The following TEX11 variants were observed in gnomAD, a reference collection of about 807,000 sequenced individuals.
The protein encoded by TEX11 is testis expressed 11.
A neutral mutation model predicts 84.4 loss-of-function variants in TEX11; 7 were observed. That is an observed-to-expected ratio of 0.08 (90% confidence interval 0.05 to 0.16). The LOEUF is 0.16. Among genes scored for constraint, TEX11 ranks in the 10% least tolerant of loss-of-function variants. The pLI is 1.00. For synonymous variants in TEX11, 264 were observed against 222.8 expected (o/e 1.18, Z -1.64); for missense variants, 551 against 660.5 (o/e 0.83, Z 1.82).
At chrX:70,778,706 G>A (rs2091017614) in intron 9 of TEX11, among the ~76,000 whole-genome samples, 1 of 110,584 alleles carries the variant, frequency 9.0e-6, no homozygotes, top group South Asian at 3.8e-4. Context: ...ACGATGCCTA[G>A]GCTGGTCTCA....
At chrX:70,820,988 A>G (rs183022222) in intron 8 of TEX11, among the ~76,000 whole-genome samples, 1 of 112,077 alleles carries the variant, frequency 8.9e-6, no homozygotes, top group East Asian at 2.8e-4. Context: ...CACCAAAAAC[A>G]AAAATAGACA....
At chrX:70,570,272 G>C (rs2088573290) in intron 25 of TEX11, among the ~76,000 whole-genome samples, 1 of 112,071 alleles carries the variant, frequency 8.9e-6, no homozygotes, top group African/African-American at 3.2e-5. Context: ...GCGCAGTATT[G>C]GGGTGGGAGT....
At chrX:70,574,037 C>T (rs2088640516) in intron 25 of TEX11, among the ~76,000 whole-genome samples, 1 of 111,904 alleles carries the variant, frequency 8.9e-6, no homozygotes, top group South Asian at 3.7e-4. Context: ...GAAATTCTTC[C>T]TTGCAATGAC....
At chrX:70,794,934 T>A (rs1175897843) in intron 9 of TEX11, among the ~76,000 whole-genome samples, 1 of 107,015 alleles carries the variant, frequency 9.3e-6, no homozygotes, top group Non-Finnish European at 1.9e-5. Context: ...AGTCTCCTTC[T>A]GCTTGACAAA....
chrX:70,811,634 T>C (rs2147813063), intron 8 of TEX11, among the ~76,000 whole-genome samples: 1 of 111,123 alleles, frequency 9.0e-6, no homozygotes, highest in African/African-American at 3.3e-5. Flanking sequence ...TAGTTTACAG[T>C]CCCACCAACA....
intron 7 of TEX11, among the ~76,000 whole-genome samples, chrX:70,838,337 C>T (rs1452199234): frequency 1.8e-5 from 2 of 111,710 alleles, no homozygotes; most frequent in African/African-American, 6.5e-5. Context: ...GCAGGATAAT[C>T]GCTTGAACCC....
intron 14 of TEX11, among the ~76,000 whole-genome samples, chrX:70,681,568 T>C (rs932467266): frequency 8.9e-6 from 1 of 112,262 alleles, no homozygotes; most frequent in African/African-American, 3.2e-5. Context: ...TATTTTATTT[T>C]ATTGTACTAT....
At chrX:70,853,581 T>C (rs781232928) in intron 5 of TEX11, among the ~76,000 whole-genome samples, 1 of 112,312 alleles carries the variant, frequency 8.9e-6, no homozygotes, top group South Asian at 3.7e-4. Context: ...TGAGGAAATA[T>C]TAAAAGAAAA....
intron 16 of TEX11, among the ~76,000 whole-genome samples, chrX:70,656,207 T>C (rs1406487233): frequency 3.7e-5 from 4 of 108,908 alleles, no homozygotes; most frequent in Non-Finnish European, 7.6e-5. Flanking sequence ...GAGGATCATC[T>C]GAGTCCAGGA....
intron 25 of TEX11, among the ~76,000 whole-genome samples, chrX:70,563,939 T>C (rs1304849424): frequency 8.9e-6 from 1 of 112,565 alleles, no homozygotes; most frequent in Non-Finnish European, 1.9e-5. Flanking sequence ...TTTAAGATAC[T>C]GGCCTGATGC....
chrX:70,675,850 G>A (rs1278825723), intron 15 of TEX11, among the ~76,000 whole-genome samples: 4 of 111,208 alleles, frequency 3.6e-5, no homozygotes, highest in African/African-American at 6.6e-5. Context: ...GGCTGGTCTC[G>A]AACTCCTGAC....
intron 28 of TEX11, among the ~76,000 whole-genome samples, chrX:70,532,294 G>T (rs2087897508): frequency 8.9e-6 from 1 of 111,994 alleles, no homozygotes; most frequent in Non-Finnish European, 1.9e-5. Flanking sequence ...TTCAGATTTT[G>T]AAATTTATCC....
rs766493168 is a variant in TEX11 at position 70,539,301 on chromosome X, T to C, written c.2521-9302A>G. Among the ~76,000 whole-genome samples the C allele has an allele frequency of 2.5e-3, 270 of 109,097 alleles. 1 individual carries two copies. Among genetic ancestry groups the C allele is most frequent in the African/African-American group, 8.5e-3 (256 of 30,098 alleles). The allele number at this position is 109,097 out of a possible 115,157, so 94.7% of individuals were successfully genotyped here. On this transcript the variant is annotated intron_variant, in intron 28 of 29. Transcript: ENST00000374333. ...CATCCGCCTCGGCCTCCCAAAGTGC[T>C]AGGATTACAGGCATGAGCCACCGTG...
chrX:70,566,832 CA>C (rs1420184817), intron 25 of TEX11, among the ~76,000 whole-genome samples: 13 of 111,735 alleles, frequency 1.2e-4, no homozygotes, highest in Non-Finnish European at 1.9e-5. Flanking sequence ...ATTTTTGCAT[CA>C]ATGTTCTTCA....
In TEX11 at chrX:70,744,474, T is replaced by C. The variant is rs760567217; in HGVS notation, c.693-255A>G. Among the ~76,000 whole-genome samples the C allele has an allele frequency of 2.8e-5, 3 of 108,389 alleles. No individual in the cohort carries two copies. The South Asian group carries it at 1.2e-3, about 42-fold the overall frequency. 94.1% of individuals were successfully genotyped at this position (108,389 alleles called of 115,157 possible). On this transcript the variant is annotated intron_variant, in intron 9 of 29. Transcript: ENST00000374333. ...AACACTACAATTATATTGATGCCTT[T>C]TTCCATTTGGCTATATATATAGCAT...
intron 9 of TEX11, among the ~76,000 whole-genome samples, chrX:70,803,992 G>T (rs1303375937): frequency 9.6e-6 from 1 of 104,341 alleles, no homozygotes; most frequent in African/African-American, 3.4e-5. Flanking sequence ...AAAAAACAAT[G>T]TTTTTTTTTT....
chrX:70,569,403 C>A (rs1303451876), intron 25 of TEX11, among the ~76,000 whole-genome samples: 2 of 112,160 alleles, frequency 1.8e-5, no homozygotes, highest in Non-Finnish European at 3.8e-5. Context: ...TCTTCTCTCA[C>A]CTCGTCAAAG....
intron 28 of TEX11, among the ~76,000 whole-genome samples, chrX:70,538,229 T>C (rs908214138): frequency 7.2e-5 from 8 of 111,330 alleles, no homozygotes; most frequent in African/African-American, 2.6e-4. Flanking sequence ...ATAGATAGCC[T>C]TAAGGGTCTA....
At chrX:70,741,157 C>T (rs1339716860) in intron 10 of TEX11, among the ~76,000 whole-genome samples, 1 of 111,468 alleles carries the variant, frequency 9.0e-6, no homozygotes, top group East Asian at 2.8e-4. Context: ...ACATTATTAT[C>T]GTGGAACAAC....
Sources: allele counts gnomAD v4.1 joint callset (sites outside exome capture counted in the v4.1 genomes callset), GRCh38; gene constraint gnomAD v4.1.1; transcripts MANE v1.5; gene names NCBI Gene and HGNC (gene_info 2026-07-23, HGNC 2026-07-21).